Variants in WDR45B observed in about 807,000 individuals in gnomAD.
WDR45B encodes WD repeat domain phosphoinositide-interacting protein 3.
Under a neutral mutation model 44.6 loss-of-function variants are expected in WDR45B, and 20 were observed. That is an observed-to-expected ratio of 0.45 (90% confidence interval 0.32 to 0.65). WDR45B has a LOEUF of 0.65. Ranked by LOEUF, WDR45B falls within the 30% of genes least tolerant of loss-of-function variation. WDR45B has a pLI of 0.05. For synonymous variants in WDR45B, 169 were observed against 164.9 expected (o/e 1.02, Z -0.19); for missense variants, 323 against 430.2 (o/e 0.75, Z 2.20).
chr17:82,617,648 ATGAGCTG>A, intron 7 of WDR45B: 1 of 520,314 alleles, frequency 1.9e-6, no homozygotes, highest in South Asian at 1.9e-5. Context: ...AATGCAGCTG[ATGAGCTG>A]TGTGTCTGGG....
chr17:82,632,834 C>T (rs2045784988), intron 2 of WDR45B, among the ~76,000 whole-genome samples: 1 of 152,050 alleles, frequency 6.6e-6, no homozygotes, highest in South Asian at 2.1e-4. Flanking sequence ...TCAAGGCCAT[C>T]CTGGGCAACA....
intron 2 of WDR45B, among the ~76,000 whole-genome samples, chr17:82,641,605 C>T (rs1352842748): frequency 6.6e-6 from 1 of 152,144 alleles, no homozygotes. Flanking sequence ...CCTTAAAAAT[C>T]CAAGAGGTGG....
chr17:82,620,078 G>A (rs554656161), intron 6 of WDR45B, among the ~76,000 whole-genome samples: 40 of 152,310 alleles, frequency 2.6e-4, no homozygotes, highest in African/African-American at 7.0e-4. Flanking sequence ...CAGAGGAACC[G>A]CATTTCTAAT....
intron 7 of WDR45B, 122 bp from the exon 8 acceptor site, chr17:82,617,519 C>G: frequency 1.1e-6 from 1 of 916,696 alleles, no homozygotes; most frequent in South Asian, 1.4e-5. Context: ...GGTGCCAATT[C>G]TGAATACTGC....
intron 2 of WDR45B, among the ~76,000 whole-genome samples, chr17:82,639,110 T>G (rs1013851164): frequency 6.6e-6 from 1 of 152,058 alleles, no homozygotes; most frequent in East Asian, 1.9e-4. Context: ...CATGAGCCAC[T>G]CTGCCTGGCC....
chr17:82,624,084 AC>A (rs1452381140), intron 5 of WDR45B, among the ~76,000 whole-genome samples: 1 of 151,802 alleles, frequency 6.6e-6, no homozygotes, highest in African/African-American at 2.4e-5. Flanking sequence ...ACATGAAACT[AC>A]CCACACAAAG....
At chr17:82,646,830 TC>T (rs1211446427) in intron 1 of WDR45B, among the ~76,000 whole-genome samples, 7 of 152,112 alleles carry the variant, frequency 4.6e-5, no homozygotes, top group African/African-American at 1.7e-4. Context: ...AAAACTTTCT[TC>T]CGGAGAAACC....
chr17:82,640,412 G>C (rs141634416), intron 2 of WDR45B, among the ~76,000 whole-genome samples: 1 of 150,816 alleles, frequency 6.6e-6, no homozygotes, highest in Non-Finnish European at 1.5e-5. Flanking sequence ...GTGCAGTGGC[G>C]AGATCTCGGC....
rs975179760 is a variant in WDR45B at position 82,629,031 on chromosome 17, G to T, written c.245-1740C>A. On this transcript the variant is annotated intron_variant, in intron 3 of 9. Transcript: ENST00000392325. Reference sequence around the variant, plus strand: ...AAATAAATAAAAATCAAGTTTACTAGTAAAAAAAAGTACCTTTAAACGCTA... The same window carrying T: ...AAATAAATAAAAATCAAGTTTACTATTAAAAAAAAGTACCTTTAAACGCTA... Among the ~76,000 whole-genome samples the T allele has an allele frequency of 2.6e-5, 4 of 152,192 alleles. 1 individual carries two copies. The South Asian group carries it at 8.3e-4, about 32-fold the overall frequency.
At chr17:82,642,508 C>A (rs2045930536) in intron 2 of WDR45B, among the ~76,000 whole-genome samples, 1 of 152,218 alleles carries the variant, frequency 6.6e-6, no homozygotes, top group Admixed American at 6.5e-5. Flanking sequence ...GTTCTGGGAG[C>A]CGCTCCAGCA....
intron 3 of WDR45B, among the ~76,000 whole-genome samples, chr17:82,628,275 G>A (rs918266504): frequency 6.6e-6 from 1 of 152,328 alleles, no homozygotes; most frequent in East Asian, 1.9e-4. Flanking sequence ...CTGCACGTGT[G>A]AGCCACTGCA....
intron 5 of WDR45B, 65 bp downstream of exon 5, chr17:82,625,324 T>C (rs2045680479): frequency 4.7e-6 from 7 of 1,480,490 alleles, no homozygotes; most frequent in South Asian, 1.1e-5. Flanking sequence ...GAGAAGGGAG[T>C]GCCCAGCACA....
intron 2 of WDR45B, among the ~76,000 whole-genome samples, chr17:82,634,277 C>T (rs1417344720): frequency 4.0e-5 from 6 of 151,314 alleles, no homozygotes; most frequent in Middle Eastern, 3.4e-3. Context: ...ATCATGAGGT[C>T]GGGCGATCAA....
At chr17:82,618,944 G>A in intron 7 of WDR45B, 99 bp downstream of exon 7, 4 of 1,075,838 alleles carry the variant, frequency 3.7e-6, no homozygotes, top group Non-Finnish European at 5.8e-6. Flanking sequence ...CTTATTCGGG[G>A]GAGGGTGGCT....
rs770478515 is a variant in WDR45B at position 82,631,044 on chromosome 17, G to C, written c.143-22C>G. ...AATTCTGAAATGATAGTTTTAAAAA[G>C]ACCAATGTTACAAGTTAATATGTAT... On this transcript the variant is annotated intron_variant, in intron 2 of 9. Coordinates refer to ENST00000392325, the MANE Select transcript of WDR45B (RefSeq NM_019613.4). 8 of 1,597,806 alleles carry C rather than the reference G, an allele frequency of 5.0e-6. No individual in the cohort carries two copies. In the East Asian group the frequency reaches 1.6e-4, roughly 31 times the overall value.
intron 7 of WDR45B, among the ~76,000 whole-genome samples, chr17:82,618,299 C>T (rs1271620253): frequency 1.3e-5 from 2 of 152,222 alleles, no homozygotes; most frequent in Non-Finnish European, 2.9e-5. Flanking sequence ...GGCACCAGGC[C>T]TCCTGGCCGT....
At chr17:82,630,262 A>G (rs1257361607) in intron 3 of WDR45B, among the ~76,000 whole-genome samples, 1 of 151,848 alleles carries the variant, frequency 6.6e-6, no homozygotes, top group Non-Finnish European at 1.5e-5. Flanking sequence ...GTTACCTGGC[A>G]TTCAAGCCTC....
chr17:82,621,705 C>T lies in WDR45B; in HGVS notation c.522G>A (p.Thr174=), dbSNP rs532513444. Residue 174 remains threonine, a synonymous_variant, in exon 6 of 10, where the codon ACG becomes ACA. Transcript: ENST00000392325. ...GHVQLVDLAS[T]EKPPVDIPAH... ...CAGGAATGTCCACGGGTGGCTTCTCCGTGCTGGCCAGGTCCACAAGCTGCA... is the reference window on the plus strand; with the variant it reads ...CAGGAATGTCCACGGGTGGCTTCTCTGTGCTGGCCAGGTCCACAAGCTGCA... 43 of 1,614,140 alleles carry T rather than the reference C, an allele frequency of 2.7e-5. No individual in the cohort carries two copies. Among genetic ancestry groups the T allele is most frequent in the East Asian group, 4.5e-5 (2 of 44,872 alleles).
intron 7 of WDR45B, 75 bp from the exon 8 acceptor site, chr17:82,617,472 T>C: frequency 7.0e-7 from 1 of 1,436,220 alleles, no homozygotes; most frequent in South Asian, 1.2e-5. Context: ...ACAGCACTTG[T>C]CGACACTGTG....
Sources: allele counts gnomAD v4.1 joint callset (sites outside exome capture counted in the v4.1 genomes callset), GRCh38; gene constraint gnomAD v4.1.1; transcripts MANE v1.5; gene names NCBI Gene and HGNC (gene_info 2026-07-23, HGNC 2026-07-21).